Variants in FA2H observed in about 807,000 individuals in gnomAD.
FA2H encodes the protein fatty acid alpha-hydroxylase.
FA2H carries 22 observed loss-of-function variants against 44.9 expected under a neutral mutation model. The ratio of observed to expected loss-of-function variants is 0.49; its 90% CI spans 0.35 to 0.70. FA2H has a LOEUF of 0.70. Among genes scored for constraint, FA2H ranks in the 30% least tolerant of loss-of-function variants. The pLI is 0.01. For synonymous variants in FA2H, 243 were observed against 213.2 expected (o/e 1.14, Z -1.22); for missense variants, 501 against 504.9 (o/e 0.99, Z 0.07).
At chr16:74,730,578 G>A (rs530138030) in intron 2 of FA2H, among the ~76,000 whole-genome samples, 4 of 151,930 alleles carry the variant, frequency 2.6e-5, no homozygotes, top group Non-Finnish European at 4.4e-5. Flanking sequence ...CACCACAACC[G>A]CTACCACCAC....
chr16:74,732,884 C>T (rs530598043), intron 2 of FA2H, among the ~76,000 whole-genome samples: 10 of 152,336 alleles, frequency 6.6e-5, no homozygotes, highest in African/African-American at 2.4e-4. Flanking sequence ...GAAACCGGAG[C>T]TAGACCGTGG....
At chr16:74,748,541 G>C (rs913221083) in intron 1 of FA2H, among the ~76,000 whole-genome samples, 3 of 152,232 alleles carry the variant, frequency 2.0e-5, no homozygotes, top group African/African-American at 7.2e-5. Context: ...GCTGTTCCCG[G>C]GAAGGTTCCT....
chr16:74,751,472 G>C (rs1280660886), intron 1 of FA2H, among the ~76,000 whole-genome samples: 1 of 152,020 alleles, frequency 6.6e-6, no homozygotes, highest in Admixed American at 6.6e-5. Context: ...CGCCTGGTGG[G>C]TATAGCCTCC....
intron 5 of FA2H, chr16:74,716,959 A>C: frequency 8.1e-6 from 2 of 247,654 alleles, no homozygotes; most frequent in Admixed American, 4.9e-5. Context: ...CCATCCCTAA[A>C]TGCCGTGCCC....
chr16:74,719,899 G>C (rs920591360), intron 4 of FA2H, among the ~76,000 whole-genome samples: 5 of 151,586 alleles, frequency 3.3e-5, no homozygotes, highest in African/African-American at 1.2e-4. Flanking sequence ...CAGGGACCAT[G>C]GGGCAGGAAG....
Position 74,716,347 on chromosome 16 carries a change from C to G in FA2H, c.1039G>C (p.Gly347Arg). Residue 347 changes from glycine (G) to arginine (R), a missense_variant and splice_region_variant, in exon 6 of 7, where the codon GGA becomes CGA. Gly to Arg is a moderately radical substitution (Grantham distance 125). Transcript: ENST00000219368. The stretch of plus-strand genomic sequence containing the variant: ...CTGGGAAGCACAGGCCCATCCTCAC[C>G]TGACTTCTGATGTGCAAAGTGGTGC... ...VKHHFAHQKSGFGISTKLWDY... is the reference protein window; with the variant it reads ...VKHHFAHQKSRFGISTKLWDY... 1 of 1,613,740 alleles carries G rather than the reference C, an allele frequency of 6.2e-7. No homozygotes were observed. The highest frequency in any genetic ancestry group is 2.2e-5 in the East Asian group (1 of 44,850).
At chr16:74,754,395 C>T (rs1346145082) in intron 1 of FA2H, among the ~76,000 whole-genome samples, 2 of 151,846 alleles carry the variant, frequency 1.3e-5, no homozygotes, top group African/African-American at 4.8e-5. Context: ...GACTCCATCT[C>T]AAGAACAAAA....
At chr16:74,727,698 G>A (rs888987055) in intron 2 of FA2H, among the ~76,000 whole-genome samples, 2 of 152,220 alleles carry the variant, frequency 1.3e-5, no homozygotes, top group African/African-American at 4.8e-5. Flanking sequence ...GAGCCTGCCT[G>A]AAGATGCCAC....
At chr16:74,714,431 G>T (rs976285777) in intron 6 of FA2H, among the ~76,000 whole-genome samples, 162 bp from the exon 7 acceptor site, 41 of 152,152 alleles carry the variant, frequency 2.7e-4, no homozygotes, top group Non-Finnish European at 3.2e-4. Flanking sequence ...AGTCAAGGGT[G>T]GGGAACCTGT....
chr16:74,740,165 G>A (rs201724653), intron 1 of FA2H, 50 bp from the exon 2 acceptor site: 2 of 1,486,854 alleles, frequency 1.3e-6, no homozygotes, highest in East Asian at 2.3e-5. Context: ...GAGGGAAGAG[G>A]GCAGAGCCCC....
At chr16:74,741,870 A>ATG (rs538897022) in intron 1 of FA2H, among the ~76,000 whole-genome samples, 27 of 84,314 alleles carry the variant, frequency 3.2e-4, no homozygotes, top group East Asian at 6.6e-4. Flanking sequence ...GTGTGTGTGT[A>ATG]TGTGTGTGTG....
At chr16:74,749,953 G>A (rs983255485) in intron 1 of FA2H, among the ~76,000 whole-genome samples, 2 of 152,286 alleles carry the variant, frequency 1.3e-5, no homozygotes, top group Admixed American at 6.5e-5. Context: ...GAAGGGACGC[G>A]GCCAGAGCTT....
At chr16:74,766,700 G>A (rs957012828) in intron 1 of FA2H, among the ~76,000 whole-genome samples, 2 of 152,130 alleles carry the variant, frequency 1.3e-5, no homozygotes, top group Non-Finnish European at 2.9e-5. Flanking sequence ...TCTTGCTCCA[G>A]TTACTCCCCA....
chr16:74,723,775 C>T (rs998376526), intron 4 of FA2H, among the ~76,000 whole-genome samples: 3 of 152,102 alleles, frequency 2.0e-5, no homozygotes, highest in African/African-American at 7.2e-5. Flanking sequence ...GGCTCAGCAC[C>T]GCCTAGGTGT....
chr16:74,735,046 C>T (rs1962154296), intron 2 of FA2H, among the ~76,000 whole-genome samples: 1 of 152,236 alleles, frequency 6.6e-6, no homozygotes, highest in African/African-American at 2.4e-5. Context: ...ATCCCCTATC[C>T]TTCATGAGCC....
intron 1 of FA2H, among the ~76,000 whole-genome samples, chr16:74,761,128 G>C (rs1567649532): frequency 6.6e-6 from 1 of 151,916 alleles, no homozygotes; most frequent in African/African-American, 2.4e-5. Context: ...AGTTGGAAGG[G>C]AAAAAAAGTC....
intron 1 of FA2H, among the ~76,000 whole-genome samples, chr16:74,748,269 T>G (rs1220882262): frequency 6.6e-6 from 1 of 152,206 alleles, no homozygotes; most frequent in Non-Finnish European, 1.5e-5. Flanking sequence ...CCCTCTTTAG[T>G]GCAAACCTTG....
intron 1 of FA2H, among the ~76,000 whole-genome samples, chr16:74,769,025 C>G (rs1341439648): frequency 3.3e-5 from 5 of 152,112 alleles, no homozygotes; most frequent in African/African-American, 4.8e-5. Context: ...GGAGTATGAG[C>G]CACCCTCTGG....
chr16:74,726,364 A>G (rs776315786), intron 3 of FA2H, 33 bp from the exon 4 acceptor site: 2 of 1,338,712 alleles, frequency 1.5e-6, no homozygotes, highest in South Asian at 1.2e-5. Context: ...AGAGAGATAC[A>G]TGCACAGGAG....
Sources: allele counts gnomAD v4.1 joint callset (sites outside exome capture counted in the v4.1 genomes callset), GRCh38; gene constraint gnomAD v4.1.1; transcripts MANE v1.5; gene names NCBI Gene and HGNC (gene_info 2026-07-23, HGNC 2026-07-21).